Variants in ERBB4 observed in about 807,000 individuals in gnomAD.
ERBB4 encodes the protein receptor tyrosine-protein kinase erbB-4.
A neutral mutation model predicts 158.0 loss-of-function variants in ERBB4; 42 were observed. The observed-to-expected ratio is 0.27, with a 90% CI of 0.21 to 0.34. The LOEUF (loss-of-function observed/expected upper bound fraction) is 0.34, where lower values mean the gene tolerates loss of function less well. ERBB4 is among the 10% of genes least tolerant of loss of function. The pLI, the probability that ERBB4 is intolerant of heterozygous loss-of-function variation, is 1.00. For synonymous variants in ERBB4, 583 were observed against 558.7 expected (o/e 1.04, Z -0.61); for missense variants, 1,333 against 1,624.1 (o/e 0.82, Z 3.08).
chr2:211,614,880 T>C (rs1258321436), intron 19 of ERBB4, among the ~76,000 whole-genome samples: 4 of 152,014 alleles, frequency 2.6e-5, no homozygotes, highest in Non-Finnish European at 4.4e-5. Context: ...ATAACAGCAG[T>C]TGTGTAAGAT....
At chr2:211,794,849 G>A (rs569706171) in intron 3 of ERBB4, among the ~76,000 whole-genome samples, 5 of 151,642 alleles carry the variant, frequency 3.3e-5, no homozygotes, top group East Asian at 3.9e-4. Flanking sequence ...TAATTTTCCC[G>A]AGATTTGTAT....
At chr2:212,391,698 T>C (rs1007410922) in intron 1 of ERBB4, among the ~76,000 whole-genome samples, 60 of 135,520 alleles carry the variant, frequency 4.4e-4, no homozygotes, top group African/African-American at 1.8e-3. Flanking sequence ...TATTATATTA[T>C]ATATTATATA....
intron 1 of ERBB4, among the ~76,000 whole-genome samples, chr2:212,317,973 A>G (rs2087371089): frequency 6.6e-6 from 1 of 151,680 alleles, no homozygotes; most frequent in Non-Finnish European, 1.5e-5. Flanking sequence ...CAGCAAAACT[A>G]TATGCTTTAT....
chr2:211,609,639 C>T (rs911572503), intron 19 of ERBB4, among the ~76,000 whole-genome samples: 3 of 152,168 alleles, frequency 2.0e-5, no homozygotes, highest in Non-Finnish European at 2.9e-5. Flanking sequence ...AACTGCTGCA[C>T]TCAAGTGATC....
intron 1 of ERBB4, among the ~76,000 whole-genome samples, chr2:212,507,581 C>G (rs1433039839): frequency 6.6e-6 from 1 of 151,872 alleles, no homozygotes; most frequent in Non-Finnish European, 1.5e-5. Flanking sequence ...GATTTCAACC[C>G]CCATGGATGA....
Position 211,387,964 on chromosome 2 carries a change from G to T in ERBB4, c.3164C>A (p.Ala1055Asp). 1 of 1,609,114 alleles carries T rather than the reference G, an allele frequency of 6.2e-7. No homozygotes were observed. Among genetic ancestry groups the T allele is most frequent in the Non-Finnish European group, 8.5e-7 (1 of 1,175,610 alleles). The part of the protein sequence containing the change: ...RSEIGHSPPP[A>D]YTPMSGNQFV... Reference sequence around the variant, plus strand: ...ACTTACTCCTGACATGGGGGTGTAGGCAGGAGGAGGGCTGTGTCCAATTTC... The same window carrying T: ...ACTTACTCCTGACATGGGGGTGTAGTCAGGAGGAGGGCTGTGTCCAATTTC... The change falls in exon 26 of 28, where the codon GCC becomes GAC. Residue 1055 changes from alanine to aspartate, a missense_variant. By Grantham distance (126) the Ala-to-Asp change is moderately radical. Around this residue, in one of 5 missense-constraint regions of ERBB4, gnomAD observed 252 missense variants for 241.3 expected, o/e 1.04. Coordinates refer to ENST00000342788, the MANE Select transcript of ERBB4 (RefSeq NM_005235.3).
chr2:211,756,691 A>C (rs979278608), intron 4 of ERBB4, among the ~76,000 whole-genome samples: 1 of 152,222 alleles, frequency 6.6e-6, no homozygotes, highest in Non-Finnish European at 1.5e-5. Context: ...AGGTACAGGA[A>C]TCCCTAGTTT....
At chr2:211,694,314 A>G (rs984406983) in intron 12 of ERBB4, among the ~76,000 whole-genome samples, 1 of 152,156 alleles carries the variant, frequency 6.6e-6, no homozygotes, top group Non-Finnish European at 1.5e-5. Context: ...GAGGCAAGTC[A>G]GGTTAAAATA....
intron 17 of ERBB4, among the ~76,000 whole-genome samples, chr2:211,627,661 T>G (rs1404770867): frequency 6.6e-6 from 1 of 152,178 alleles, no homozygotes; most frequent in Non-Finnish European, 1.5e-5. Flanking sequence ...AGAAGTGAAA[T>G]TGTCAGACTG....
In ERBB4 at chr2:211,379,613, T is replaced by C. The variant is rs1331256528; in HGVS notation, c.*4002A>G. ...GTGGTTAGTTTTCTAGTTTGATTTATTTAATAATATTAAAATCATTTAACA... is the reference window on the plus strand; with the variant it reads ...GTGGTTAGTTTTCTAGTTTGATTTACTTAATAATATTAAAATCATTTAACA... On this transcript the variant is annotated 3_prime_UTR_variant, in exon 28 of 28. Coordinates refer to ENST00000342788, the MANE Select transcript of ERBB4 (RefSeq NM_005235.3). 1.3e-5 allele frequency: 3 copies of C among 231,364 alleles called. No individual in the cohort carries two copies. The highest frequency in any genetic ancestry group is 6.6e-5 in the African/African-American group (3 of 45,272). 14.3% of individuals were successfully genotyped at this position (231,364 alleles called of 1,614,324 possible).
chr2:211,985,025 A>G (rs1173814480), intron 2 of ERBB4, among the ~76,000 whole-genome samples: 1 of 152,134 alleles, frequency 6.6e-6, no homozygotes, highest in East Asian at 1.9e-4. Context: ...TTAGAGTGTT[A>G]TTGTTTTCAT....
At chr2:211,956,044 G>C (rs1430408003) in intron 2 of ERBB4, among the ~76,000 whole-genome samples, 1 of 151,636 alleles carries the variant, frequency 6.6e-6, no homozygotes, top group African/African-American at 2.4e-5. Flanking sequence ...GTGTGTGTGT[G>C]TGTGTGTGTG....
chr2:211,466,016 T>C (rs931617714), intron 20 of ERBB4, among the ~76,000 whole-genome samples: 3 of 152,130 alleles, frequency 2.0e-5, no homozygotes, highest in Non-Finnish European at 4.4e-5. Flanking sequence ...TATTAAGGTC[T>C]TGTTTGGAAG....
chr2:212,429,465 A>G (rs540994061), intron 1 of ERBB4, among the ~76,000 whole-genome samples: 3 of 152,198 alleles, frequency 2.0e-5, no homozygotes, highest in Non-Finnish European at 4.4e-5. Flanking sequence ...ATAGCTGAGT[A>G]TATCAAAGGA....
In ERBB4 at chr2:211,673,170, A is replaced by T; in HGVS notation, c.1710T>A (p.His570Gln). Residue 570 changes from histidine to glutamine, a missense_variant, in exon 14 of 28, where the codon CAT (histidine) becomes CAA (glutamine). Coordinates refer to ENST00000342788, the MANE Select transcript of ERBB4 (RefSeq NM_005235.3). Reference protein sequence around the residue: ...EKMEDGLLTCHGPGPDNCTKC... With the variant: ...EKMEDGLLTCQGPGPDNCTKC... Reference sequence around the variant, plus strand: ...CAGATGTCTTCAGGCTTACCGGTCCATGGCATGTGAGGAGGCCATCTTCCA... The same window carrying T: ...CAGATGTCTTCAGGCTTACCGGTCCTTGGCATGTGAGGAGGCCATCTTCCA... 6 of 1,611,088 alleles carry T rather than the reference A, an allele frequency of 3.7e-6. No individual in the cohort carries two copies. Among genetic ancestry groups the T allele is most frequent in the Non-Finnish European group, 4.2e-6 (5 of 1,177,292 alleles).
At chr2:211,829,424 T>C (rs1317902372) in intron 3 of ERBB4, among the ~76,000 whole-genome samples, 2 of 152,214 alleles carry the variant, frequency 1.3e-5, no homozygotes, top group African/African-American at 2.4e-5. Flanking sequence ...TCACTTATTT[T>C]GGTTACCGTT....
rs1473222698 is a variant in ERBB4 at position 212,493,612 on chromosome 2, T to G, written c.82+44837A>C. ...TAAAGCAAATTTAACTTCAGCAATT[T>G]TTAATTTATGTTCTTTGAATTTAGT... On this transcript the variant is annotated intron_variant, in intron 1 of 27. Coordinates refer to ENST00000342788, the MANE Select transcript of ERBB4 (RefSeq NM_005235.3). Among the ~76,000 whole-genome samples the G allele has an allele frequency of 3.3e-5, 5 of 151,698 alleles. No homozygotes were observed. The East Asian group carries it at 9.6e-4, about 29-fold the overall frequency.
chr2:212,391,004 A>G (rs190085053), intron 1 of ERBB4, among the ~76,000 whole-genome samples: 2 of 151,916 alleles, frequency 1.3e-5, no homozygotes, highest in Non-Finnish European at 3.0e-5. Flanking sequence ...AAATTCCTAA[A>G]ATATGTGAAA....
intron 25 of ERBB4, among the ~76,000 whole-genome samples, chr2:211,410,978 G>C (rs1346820384): frequency 6.6e-6 from 1 of 152,104 alleles, no homozygotes; most frequent in Non-Finnish European, 1.5e-5. Flanking sequence ...GCGTGATCTC[G>C]GCTCACTGCA....
Sources: allele counts gnomAD v4.1 joint callset (sites outside exome capture counted in the v4.1 genomes callset), GRCh38; gene constraint gnomAD v4.1.1; regional missense constraint gnomAD v4.1.1; transcripts MANE v1.5; gene names NCBI Gene and HGNC (gene_info 2026-07-23, HGNC 2026-07-21).